GLIPR2: variants seen among roughly 807,000 people sequenced by gnomAD.
The protein encoded by GLIPR2 is GLI pathogenesis related 2, also known as Golgi-associated plant pathogenesis-related protein 1.
GLIPR2 carries 21 observed loss-of-function variants against 20.4 expected under a neutral mutation model. The observed-to-expected ratio is 1.03, with a 90% CI of 0.73 to 1.48. The LOEUF (loss-of-function observed/expected upper bound fraction) is 1.48. GLIPR2 is among the 40% of genes most tolerant of loss of function. The pLI, the probability that GLIPR2 is intolerant of heterozygous loss-of-function variation, is 0.00. For synonymous variants in GLIPR2, 91 were observed against 80.5 expected, an observed-to-expected ratio of 1.13 and a Z score of -0.70; for missense variants, 205 against 200.1, an observed-to-expected ratio of 1.02 and a Z score of -0.15.
At chr9:36,145,432 G>A (rs536821551) in intron 1 of GLIPR2, among the ~76,000 whole-genome samples, 12 of 152,176 alleles carry the variant, frequency 7.9e-5, no homozygotes, top group Admixed American at 2.0e-4. Context: ...CCTCCCTTCC[G>A]TATGGGAGCT....
chr9:36,151,479 T>G (rs770727241), intron 4 of GLIPR2, among the ~76,000 whole-genome samples: 2 of 152,028 alleles, frequency 1.3e-5, no homozygotes, highest in Non-Finnish European at 2.9e-5. Context: ...CCTGGCTTTC[T>G]CCCTTCCCCT....
intron 1 of GLIPR2, among the ~76,000 whole-genome samples, chr9:36,142,303 G>T (rs1563878758): frequency 2.0e-5 from 3 of 152,096 alleles, no homozygotes; most frequent in African/African-American, 2.4e-5. Flanking sequence ...CATTCCCTTT[G>T]TCGCCTGTGA....
chr9:36,141,468 G>GATA (rs1554644663), intron 1 of GLIPR2, among the ~76,000 whole-genome samples: 1 of 151,780 alleles, frequency 6.6e-6, no homozygotes, highest in East Asian at 2.0e-4. Flanking sequence ...GGGGCAGGGG[G>GATA]CCTGTTCACA....
chr9:36,159,459 C>T (rs10972763), intron 4 of GLIPR2, among the ~76,000 whole-genome samples: 112,466 of 152,136 alleles, frequency 0.74, 41,954 homozygotes, highest in Admixed American at 0.83. Context: ...ATTTATTTTA[C>T]ACTTTTCATG....
chr9:36,140,647 A>C (rs1482135397), intron 1 of GLIPR2, among the ~76,000 whole-genome samples: 2 of 152,176 alleles, frequency 1.3e-5, no homozygotes, highest in Non-Finnish European at 2.9e-5. Flanking sequence ...TGTTCCCGTA[A>C]GCAATTGAGC....
intron 4 of GLIPR2, among the ~76,000 whole-genome samples, chr9:36,161,642 G>C (rs778238496): frequency 5.3e-5 from 8 of 152,082 alleles, no homozygotes; most frequent in East Asian, 1.9e-4. Flanking sequence ...AAACCAAAAG[G>C]GGGAGGGGTG....
intron 1 of GLIPR2, chr9:36,144,940 A>T (rs1233772048): frequency 6.6e-6 from 1 of 152,194 alleles, no homozygotes; most frequent in African/African-American, 2.4e-5. Context: ...CCCAGGAGAC[A>T]TGGGAGATCT....
At chr9:36,145,373 A>C (rs1251472614) in intron 1 of GLIPR2, among the ~76,000 whole-genome samples, 11 of 152,102 alleles carry the variant, frequency 7.2e-5, no homozygotes, top group Non-Finnish European at 1.6e-4. Context: ...ACCTGTGCTT[A>C]CCTGCATCTT....
Position 36,162,628 on chromosome 9 carries a change from G to C in GLIPR2, c.*106G>C, listed in dbSNP as rs1826106878. 9.2e-7 allele frequency: 1 copy of C among 1,090,414 alleles called. No homozygotes were observed. The allele number at this position is 1,090,414 out of a possible 1,614,324, so 67.5% of individuals were successfully genotyped here. A position where few individuals can be genotyped will look rare whatever the true frequency, so the allele number is the denominator to read the frequency against. On this transcript the variant is annotated 3_prime_UTR_variant, in exon 5 of 5. Transcript: ENST00000377960. ...TCTGTCCCTGTGGGTGTATGTGCTT[G>C]TGTGTGTGATGCATGTGAGCGTCTC...
At chr9:36,137,546 G>C (rs1173319209) in intron 1 of GLIPR2, among the ~76,000 whole-genome samples, 1 of 152,162 alleles carries the variant, frequency 6.6e-6, no homozygotes, top group African/African-American at 2.4e-5. Context: ...CATCCCTCTA[G>C]GCTCAGCTCC....
At chr9:36,160,463 A>T (rs1334823319) in intron 4 of GLIPR2, among the ~76,000 whole-genome samples, 2 of 152,054 alleles carry the variant, frequency 1.3e-5, no homozygotes, top group African/African-American at 4.8e-5. Flanking sequence ...ACTGAACTCC[A>T]TCCAGCCTAG....
At chr9:36,160,252 A>G (rs1222664441) in intron 4 of GLIPR2, among the ~76,000 whole-genome samples, 1 of 152,070 alleles carries the variant, frequency 6.6e-6, no homozygotes, top group Non-Finnish European at 1.5e-5. Flanking sequence ...CCAACTCCCA[A>G]CCTAAGATGA....
intron 4 of GLIPR2, among the ~76,000 whole-genome samples, chr9:36,152,883 C>T (rs534297148): frequency 1.3e-4 from 17 of 133,186 alleles, no homozygotes; most frequent in African/African-American, 3.7e-4. Flanking sequence ...CCAAGGCAGG[C>T]GAATCACTTG....
intron 2 of GLIPR2, among the ~76,000 whole-genome samples, chr9:36,148,294 G>C (rs1337602923): frequency 6.6e-6 from 1 of 151,932 alleles, no homozygotes; most frequent in Non-Finnish European, 1.5e-5. Context: ...TGGGGACCGG[G>C]TTTTGGGATC....
At chr9:36,142,383 A>C (rs928579683) in intron 1 of GLIPR2, among the ~76,000 whole-genome samples, 3 of 152,164 alleles carry the variant, frequency 2.0e-5, no homozygotes, top group African/African-American at 4.8e-5. Context: ...GAATTTGGGC[A>C]GGTAACTTCC....
In GLIPR2 at chr9:36,162,480, T is replaced by C. The variant is rs1435715185; in HGVS notation, c.423T>C (p.Asn141=). 6 of 1,614,160 alleles carry C rather than the reference T, an allele frequency of 3.7e-6. No individual in the cohort carries two copies. Among genetic ancestry groups the C allele is most frequent in the Non-Finnish European group, 5.1e-6 (6 of 1,180,028 alleles). Residue 141 remains asparagine (N), a synonymous_variant, in exon 5 of 5, where the codon AAT becomes AAC. Coordinates refer to ENST00000377960, the MANE Select transcript of GLIPR2 (RefSeq NM_022343.4). ...ARYFPAGNVV[N]EGFFEENVLP... ...ACTTCCCAGCGGGGAATGTTGTCAA[T>C]GAGGGCTTCTTCGAAGAAAACGTCC...
chr9:36,161,593 G>A (rs551863391), intron 4 of GLIPR2, among the ~76,000 whole-genome samples: 1 of 152,238 alleles, frequency 6.6e-6, no homozygotes, highest in Admixed American at 6.5e-5. Flanking sequence ...AGAGGAGGCA[G>A]TGAGACAGGA....
At chr9:36,154,341 T>C (rs1257509598) in intron 4 of GLIPR2, among the ~76,000 whole-genome samples, 1 of 152,156 alleles carries the variant, frequency 6.6e-6, no homozygotes, top group Non-Finnish European at 1.5e-5. Context: ...CAATTTCCTG[T>C]GAATCATTCC....
intron 3 of GLIPR2, 123 bp from the exon 4 acceptor site, chr9:36,150,749 C>T (rs774610738): frequency 1.9e-5 from 13 of 684,760 alleles, no homozygotes; most frequent in Admixed American, 4.8e-5. Context: ...TGTCAGCTGA[C>T]TGGGGCTTTC....
Sources: allele counts gnomAD v4.1 joint callset (sites outside exome capture counted in the v4.1 genomes callset), GRCh38; gene constraint gnomAD v4.1.1; transcripts MANE v1.5; gene names NCBI Gene and HGNC (gene_info 2026-07-23, HGNC 2026-07-21).